The following CALN1 variants were observed in gnomAD, a reference collection of about 807,000 sequenced individuals.
The protein encoded by CALN1 is calneuron 1.
Under a neutral mutation model 30.6 loss-of-function variants are expected in CALN1, and 17 were observed. The observed-to-expected ratio is 0.56, with a 90% CI of 0.38 to 0.83. CALN1 has a LOEUF of 0.83. CALN1 is among the 40% of genes least tolerant of loss of function. The pLI, the probability that CALN1 is intolerant of heterozygous loss-of-function variation, is 0.00. For missense variants in CALN1, 291 were observed against 354.9 expected (o/e 0.82, Z 1.45); for synonymous variants, 156 against 131.4 (o/e 1.19, Z -1.28).
rs952566388 is a variant in CALN1 at position 72,138,070 on chromosome 7, G to T, written c.245-31776C>A. Among the ~76,000 whole-genome samples the T allele has an allele frequency of 2.0e-5, 3 of 152,242 alleles. 1 individual carries two copies. Among genetic ancestry groups the T allele is most frequent in the Admixed American group, 2.0e-4 (3 of 15,300 alleles). ...ATGGCAACTTAATTATATCCATGTG[G>T]TGAAATATTACACACATTCAAAAAC... On this transcript the variant is annotated intron_variant, in intron 3 of 6. Transcript: ENST00000395275.
chr7:71,847,812 AG>A (rs1790393978), intron 5 of CALN1, among the ~76,000 whole-genome samples: 3 of 56,582 alleles, frequency 5.3e-5, no homozygotes, highest in Non-Finnish European at 1.1e-4. Context: ...GAAAAGAAGG[AG>A]AAGGAGAAGG....
intron 1 of CALN1, among the ~76,000 whole-genome samples, chr7:72,428,734 C>A (rs1051080667): frequency 3.3e-5 from 5 of 152,218 alleles, no homozygotes; most frequent in Non-Finnish European, 5.9e-5. Context: ...CACAGTGGCT[C>A]ATGCCTGTAA....
intron 3 of CALN1, among the ~76,000 whole-genome samples, chr7:72,208,505 T>A (rs1032295765): frequency 6.6e-6 from 1 of 152,210 alleles, no homozygotes; most frequent in Non-Finnish European, 1.5e-5. Flanking sequence ...GAAAACCACA[T>A]GGATATGCCT....
intron 4 of CALN1, among the ~76,000 whole-genome samples, chr7:72,076,920 T>C (rs961685277): frequency 1.3e-5 from 2 of 152,174 alleles, no homozygotes; most frequent in Non-Finnish European, 2.9e-5. Flanking sequence ...ATTTGTTTTG[T>C]TTTTTATTTT....
chr7:72,377,493 T>C (rs563037995), intron 2 of CALN1, among the ~76,000 whole-genome samples: 2 of 150,660 alleles, frequency 1.3e-5, no homozygotes, highest in South Asian at 4.2e-4. Flanking sequence ...ATTATAATTT[T>C]TTATTGAATG....
chr7:71,819,789 T>C (rs1455574258), intron 5 of CALN1, among the ~76,000 whole-genome samples: 1 of 152,180 alleles, frequency 6.6e-6, no homozygotes, highest in Non-Finnish European at 1.5e-5. Context: ...ACTTAGATAA[T>C]GCCCTCAAGG....
intron 3 of CALN1, among the ~76,000 whole-genome samples, chr7:72,137,716 TGTTAA>T (rs571837549): frequency 1.3e-5 from 2 of 152,224 alleles, no homozygotes; most frequent in South Asian, 2.1e-4. Flanking sequence ...TGGTATATGA[TGTTAA>T]GTTTTCTTAT....
At chr7:72,265,653 G>C (rs1416158872) in intron 3 of CALN1, among the ~76,000 whole-genome samples, 1 of 152,028 alleles carries the variant, frequency 6.6e-6, no homozygotes, top group Non-Finnish European at 1.5e-5. Flanking sequence ...TTATGACTGA[G>C]ATAAACACGT....
At chr7:72,089,430 G>A (rs546103651) in intron 4 of CALN1, among the ~76,000 whole-genome samples, 1 of 152,236 alleles carries the variant, frequency 6.6e-6, no homozygotes, top group South Asian at 2.1e-4. Flanking sequence ...ACGGAATTAA[G>A]ACTCAGCCTT....
At chr7:71,809,923 GAGGAAACACAGAGA>G (rs1381061979) in intron 6 of CALN1, among the ~76,000 whole-genome samples, 3 of 151,726 alleles carry the variant, frequency 2.0e-5, no homozygotes, top group African/African-American at 7.3e-5. Context: ...GTTTATAGAT[GAGGAAACACAGAGA>G]AGGTCCATCC....
intron 4 of CALN1, among the ~76,000 whole-genome samples, chr7:72,028,864 AC>A (rs1311398150): frequency 6.6e-6 from 1 of 151,890 alleles, no homozygotes; most frequent in Non-Finnish European, 1.5e-5. Context: ...GGTGGTACAA[AC>A]CTGTAATCCC....
In CALN1 at chr7:71,787,516, T is replaced by G; in HGVS notation, c.*259A>C. 2.5e-6 allele frequency: 1 copy of G among 398,150 alleles called. No individual in the cohort carries two copies. Among genetic ancestry groups the G allele is most frequent in the East Asian group, 4.2e-5 (1 of 24,042 alleles). The allele number at this position is 398,150 out of a possible 1,614,324, so 24.7% of individuals were successfully genotyped here. A position where few individuals can be genotyped will look rare whatever the true frequency, so the allele number is the denominator to read the frequency against. ...TATGACTGATGGTTGAAGCAATAAT[T>G]TGGAAATCCTGGCGATTTATTGCAT... On this transcript the variant is annotated 3_prime_UTR_variant, in exon 7 of 7. Transcript: ENST00000395275.
intron 2 of CALN1, among the ~76,000 whole-genome samples, chr7:72,324,191 A>C (rs1249611092): frequency 6.6e-6 from 1 of 152,112 alleles, no homozygotes; most frequent in Non-Finnish European, 1.5e-5. Flanking sequence ...TGATTAGAGC[A>C]TTGGAATTTT....
At chr7:72,388,229 A>T (rs555010060) in intron 2 of CALN1, among the ~76,000 whole-genome samples, 1 of 152,288 alleles carries the variant, frequency 6.6e-6, no homozygotes, top group South Asian at 2.1e-4. Context: ...TAACCCATAA[A>T]TATGAGTTAT....
At chr7:72,042,759 C>T (rs972140159) in intron 4 of CALN1, among the ~76,000 whole-genome samples, 1 of 151,920 alleles carries the variant, frequency 6.6e-6, no homozygotes, top group African/African-American at 2.4e-5. Flanking sequence ...AATAAGACTC[C>T]CAAAAGGAAA....
chr7:72,279,106 A>C (rs1019052920), intron 2 of CALN1, among the ~76,000 whole-genome samples: 3 of 152,116 alleles, frequency 2.0e-5, no homozygotes, highest in African/African-American at 7.2e-5. Flanking sequence ...CCATCGAACT[A>C]TCTCTTTGCA....
At chr7:71,863,599 T>G (rs377558181) in intron 5 of CALN1, among the ~76,000 whole-genome samples, 19 of 64,714 alleles carry the variant, frequency 2.9e-4, no homozygotes, top group African/African-American at 6.9e-4. Context: ...AAGAAAGAAA[T>G]AACAACAAAA....
chr7:72,289,211 T>C (rs1022364632), intron 2 of CALN1, among the ~76,000 whole-genome samples: 7 of 152,222 alleles, frequency 4.6e-5, no homozygotes, highest in Non-Finnish European at 7.3e-5. Context: ...TTTTCAGATA[T>C]AGGTGCTCTC....
chr7:72,192,756 A>C (rs1790708367), intron 3 of CALN1, among the ~76,000 whole-genome samples: 1 of 147,766 alleles, frequency 6.8e-6, no homozygotes, highest in Non-Finnish European at 1.5e-5. Flanking sequence ...GCACCCACTA[A>C]CTCGTCATCT....
Sources: gnomAD v4.1 joint callset for allele counts (sites outside exome capture counted in the v4.1 genomes callset) on GRCh38, gnomAD v4.1.1 for gene constraint, MANE v1.5 for transcripts, NCBI Gene and HGNC (gene_info 2026-07-23, HGNC 2026-07-21) for gene names.